The following CDS1 variants were observed in gnomAD, a reference collection of about 807,000 sequenced individuals.
CDS1 encodes the protein CDP-diacylglycerol synthase 1.
In CDS1, 41 loss-of-function variants were observed where a neutral mutation model predicts 62.1. That is an observed-to-expected ratio of 0.66 (90% confidence interval 0.51 to 0.86). The LOEUF is 0.86. CDS1 is among the 40% of genes least tolerant of loss of function. The pLI, the probability that CDS1 is intolerant of heterozygous loss-of-function variation, is 0.00. For missense variants in CDS1, 470 were observed against 550.1 expected, an observed-to-expected ratio of 0.85 and a Z score of 1.46; for synonymous variants, 185 against 192.6, an observed-to-expected ratio of 0.96 and a Z score of 0.32.
chr4:84,623,115 C>T (rs1723741566), intron 5 of CDS1, among the ~76,000 whole-genome samples: 1 of 152,144 alleles, frequency 6.6e-6, no homozygotes, highest in Non-Finnish European at 1.5e-5. Flanking sequence ...GACTTCTGTG[C>T]CAGAGACCTC....
chr4:84,631,392 A>T (rs1158827174), intron 5 of CDS1, among the ~76,000 whole-genome samples: 2 of 152,252 alleles, frequency 1.3e-5, no homozygotes, highest in Non-Finnish European at 2.9e-5. Context: ...GCCTAGAAAG[A>T]GTAAGCATTC....
At position 84,583,368 on chromosome 4, in the gene CDS1, T is replaced by G; in HGVS notation, c.-34T>G. 6.7e-6 allele frequency: 10 copies of G among 1,484,336 alleles called. No individual in the cohort carries two copies. Among genetic ancestry groups the G allele is most frequent in the African/African-American group, 1.4e-5 (1 of 71,054 alleles). The allele number at this position is 1,484,336 out of a possible 1,614,324, so 91.9% of individuals were successfully genotyped here. On this transcript the variant is annotated 5_prime_UTR_variant, in exon 1 of 13. Transcript: ENST00000295887. Reference sequence around the variant, plus strand: ...CTTGCAGCTCAGGTTTCGGGGTGCTTGAGGAGGCCGCCACGGCAGCGCGGG... The same window carrying G: ...CTTGCAGCTCAGGTTTCGGGGTGCTGGAGGAGGCCGCCACGGCAGCGCGGG...
chr4:84,637,628 G>A (rs1216778950), intron 8 of CDS1, among the ~76,000 whole-genome samples: 1 of 152,144 alleles, frequency 6.6e-6, no homozygotes, highest in African/African-American at 2.4e-5. Context: ...TTTGGGTGGA[G>A]ACACAGATCC....
At chr4:84,627,736 G>A (rs1255464956) in intron 5 of CDS1, among the ~76,000 whole-genome samples, 2 of 152,090 alleles carry the variant, frequency 1.3e-5, no homozygotes, top group Non-Finnish European at 2.9e-5. Context: ...ATAAAACTAA[G>A]TTATAGCCAA....
Position 84,646,123 on chromosome 4 carries a change from C to T in CDS1, c.1256+798C>T, listed in dbSNP as rs567539727. Among the ~76,000 whole-genome samples, 4 of 152,210 alleles carry T rather than the reference C, an allele frequency of 2.6e-5. No individual in the cohort carries two copies. In the South Asian group the frequency reaches 8.3e-4, roughly 32 times the overall value. ...CTGAGCTGTAGAAAACATGGATTTCCTTCATAGTACTTGGAAGGAAATTCA... is the reference window on the plus strand; with the variant it reads ...CTGAGCTGTAGAAAACATGGATTTCTTTCATAGTACTTGGAAGGAAATTCA... On this transcript the variant is annotated intron_variant, in intron 12 of 12. Transcript: ENST00000295887.
In CDS1 at chr4:84,583,499, C is replaced by A; in HGVS notation, c.98C>A (p.Thr33Asn). ...EGEAAGGDHETESTSDKETDI... is the reference protein window; with the variant it reads ...EGEAAGGDHENESTSDKETDI... ...GAGGCGGCCGGCGGCGACCACGAAACCGAGAGCACCAGCGACAAAGTAAGT... is the reference window on the plus strand; with the variant it reads ...GAGGCGGCCGGCGGCGACCACGAAAACGAGAGCACCAGCGACAAAGTAAGT... The change falls in exon 1 of 13, where the codon ACC becomes AAC. Residue 33 changes from threonine to asparagine, a missense_variant. Thr to Asn is a moderately conservative substitution (Grantham distance 65, BLOSUM62 0). Transcript: ENST00000295887. The A allele has an allele frequency of 6.5e-7, 1 of 1,537,890 alleles. No individual in the cohort carries two copies. Among genetic ancestry groups the A allele is most frequent in the African/African-American group, 1.4e-5 (1 of 70,812 alleles).
chr4:84,640,538 G>A (rs1230252283), intron 9 of CDS1, among the ~76,000 whole-genome samples: 3 of 152,040 alleles, frequency 2.0e-5, no homozygotes, highest in African/African-American at 7.2e-5. Flanking sequence ...ATTAATAGAA[G>A]CTTGTGTGCA....
intron 8 of CDS1, 53 bp from the exon 9 acceptor site, chr4:84,638,867 ATATT>A: frequency 6.1e-6 from 3 of 492,118 alleles, no homozygotes; most frequent in Non-Finnish European, 1.1e-5. Context: ...ATATATATAT[ATATT>A]GTGAGTTTTG....
chr4:84,590,555 C>T (rs923283498), intron 1 of CDS1, among the ~76,000 whole-genome samples: 2 of 152,064 alleles, frequency 1.3e-5, no homozygotes, highest in Non-Finnish European at 2.9e-5. Flanking sequence ...TGGATGTGTA[C>T]CACAGTGGGT....
chr4:84,593,481 C>G (rs1045645780), intron 1 of CDS1, among the ~76,000 whole-genome samples: 1 of 151,100 alleles, frequency 6.6e-6, no homozygotes, highest in Non-Finnish European at 1.5e-5. Context: ...ACACTCTGAT[C>G]AGCAGCAGTT....
intron 11 of CDS1, among the ~76,000 whole-genome samples, chr4:84,644,834 A>G (rs1724506106): frequency 6.6e-6 from 1 of 152,250 alleles, no homozygotes; most frequent in Non-Finnish European, 1.5e-5. Flanking sequence ...AACCAGTTGT[A>G]CATCTTTTAG....
intron 1 of CDS1, among the ~76,000 whole-genome samples, chr4:84,599,393 G>GACACAC (rs372134066): frequency 6.5e-4 from 35 of 53,634 alleles, no homozygotes; most frequent in African/African-American, 2.6e-3. Context: ...GGCAAATTTT[G>GACACAC]ACACACACAC....
At chr4:84,621,159 A>T (rs1347038785) in intron 5 of CDS1, among the ~76,000 whole-genome samples, 1 of 152,034 alleles carries the variant, frequency 6.6e-6, no homozygotes, top group Non-Finnish European at 1.5e-5. Context: ...CACTACTTAA[A>T]TTTTTTTTAT....
At position 84,599,026 on chromosome 4, in the gene CDS1, T is replaced by G. The variant is rs552331921; in HGVS notation, c.118-5217T>G. On this transcript the variant is annotated intron_variant, in intron 1 of 12. Transcript: ENST00000295887. The stretch of plus-strand genomic sequence containing the variant: ...CTCACTAAATTGAGTACACTTAAAG[T>G]GCTATCTTAGCTCAAGATGTTATAA... Among the ~76,000 whole-genome samples, 7 of 152,300 alleles carry G rather than the reference T, an allele frequency of 4.6e-5. No individual in the cohort carries two copies. The East Asian group carries it at 1.2e-3, about 25-fold the overall frequency.
chr4:84,584,576 G>A (rs1253151013), intron 1 of CDS1, among the ~76,000 whole-genome samples: 1 of 152,214 alleles, frequency 6.6e-6, no homozygotes, highest in Non-Finnish European at 1.5e-5. Context: ...GCTGAGACTG[G>A]CTGGCAGTTC....
chr4:84,600,802 T>G (rs1475322667), intron 1 of CDS1, among the ~76,000 whole-genome samples: 1 of 152,128 alleles, frequency 6.6e-6, no homozygotes, highest in African/African-American at 2.4e-5. Flanking sequence ...GAAAAATTTC[T>G]TCAAAAAAGC....
At chr4:84,638,799 A>AAT (rs940114006) in intron 8 of CDS1, 125 bp from the exon 9 acceptor site, 13 of 283,004 alleles carry the variant, frequency 4.6e-5, no homozygotes, top group African/African-American at 2.9e-4. Context: ...GAACTATTCC[A>AAT]ATAAGAGAAA....
intron 12 of CDS1, 130 bp from the exon 13 acceptor site, chr4:84,648,427 G>C (rs1328662200): frequency 1.3e-6 from 1 of 763,002 alleles, no homozygotes; most frequent in Non-Finnish European, 2.1e-6. Flanking sequence ...CTATTATCAA[G>C]AGCTATTTTA....
intron 2 of CDS1, among the ~76,000 whole-genome samples, chr4:84,606,391 T>C (rs1686418918): frequency 6.6e-6 from 1 of 151,996 alleles, no homozygotes; most frequent in African/African-American, 2.4e-5. Context: ...TTTTCTACCT[T>C]ACTGTTTTAA....
Sources: gnomAD v4.1 joint callset for allele counts (sites outside exome capture counted in the v4.1 genomes callset) on GRCh38, gnomAD v4.1.1 for gene constraint, MANE v1.5 for transcripts, NCBI Gene and HGNC (gene_info 2026-07-23, HGNC 2026-07-21) for gene names.